The following ALG3 variants were observed in gnomAD, a reference collection of about 807,000 sequenced individuals.
ALG3 encodes the protein ALG3 alpha-1,3- mannosyltransferase, also known as dol-P-Man:Man(5)GlcNAc(2)-PP-Dol alpha-1,3-mannosyltransferase.
In ALG3, 39 loss-of-function variants were observed where a neutral mutation model predicts 50.5. The observed-to-expected ratio is 0.77, with a 90% CI of 0.60 to 1.01. ALG3 has a LOEUF of 1.01. Ranked by LOEUF, ALG3 falls within the 50% of genes least tolerant of loss-of-function variation. The pLI is 0.00. For synonymous variants in ALG3, 252 were observed against 237.2 expected (o/e 1.06, Z -0.58); for missense variants, 520 against 554.8 (o/e 0.94, Z 0.63).
chr3:184,248,752 C>G lies in ALG3; in HGVS notation c.189G>C (p.Arg63Ser). The G allele has an allele frequency of 6.4e-7, 1 of 1,571,646 alleles. No individual in the cohort carries two copies. The change falls in exon 1 of 9, where the codon AGG (arginine) becomes AGC (serine). Residue 63 changes from arginine (R) to serine (S), a missense_variant. By Grantham distance (110) the Arg-to-Ser change is moderately radical. Coordinates refer to ENST00000397676, the MANE Select transcript of ALG3 (RefSeq NM_005787.6). ...EVGITFWVIH[R>S]VAYTEIDWKA... ...CCCCCTCGGCGCACTCACATGCCACCCTGTGAATGACCCAGAAGGTGATGC... is the reference window on the plus strand; with the variant it reads ...CCCCCTCGGCGCACTCACATGCCACGCTGTGAATGACCCAGAAGGTGATGC...
chr3:184,242,378 G>A lies in ALG3; in HGVS notation c.*136C>T. On this transcript the variant is annotated 3_prime_UTR_variant, in exon 9 of 9. Transcript: ENST00000397676. The stretch of plus-strand genomic sequence containing the variant: ...GCTCCATACGTGTCCCTCACAGCCT[G>A]GACCAGGCATCGGCTGCCCCCACCT... 9.0e-7 allele frequency: 1 copy of A among 1,107,416 alleles called. No homozygotes were observed. Among genetic ancestry groups the A allele is most frequent in the Non-Finnish European group, 1.3e-6 (1 of 746,078 alleles). 68.6% of individuals were successfully genotyped at this position (1,107,416 alleles called of 1,614,324 possible). A position where few individuals can be genotyped will look rare whatever the true frequency, so the allele number is the denominator to read the frequency against.
Position 184,242,606 on chromosome 3 carries a change from G to A in ALG3, c.1225C>T (p.Leu409=), listed in dbSNP as rs1179683798. ...AGGATGACGGCATGGCATATGTGCA[G>A]GGCAGCAGAGCTGCAGGATGTGGAA... ...YPSTSCSSAA[L]HICHAVILLQ... is the part of the protein sequence containing the mutation. The change falls in exon 9 of 9, where the codon CTG becomes TTG. Residue 409 remains leucine (L), a synonymous_variant. Coordinates refer to ENST00000397676, the MANE Select transcript of ALG3 (RefSeq NM_005787.6). 6.3e-7 allele frequency: 1 copy of A among 1,591,244 alleles called. No individual in the cohort carries two copies. The highest frequency in any genetic ancestry group is 8.6e-7 in the Non-Finnish European group (1 of 1,165,466).
In ALG3 at chr3:184,248,716, T is replaced by TC. The variant is rs772159424; in HGVS notation, c.196+28dup. The TC allele has an allele frequency of 5.9e-4, 339 of 573,440 alleles. 5 individuals carry two copies. The East Asian group carries it at 0.012, about 20-fold the overall frequency. The allele number at this position is 573,440 out of a possible 1,614,324, so 35.5% of individuals were successfully genotyped here. On this transcript the variant is annotated intron_variant, in intron 1 of 8. Transcript: ENST00000397676. ...GGTCGCGGGTTCAGGTCTCCCTCCC[T>TC]CCCCTCCCCTCCCCCTCGGCGCACT...
At position 184,242,595 on chromosome 3, in the gene ALG3, G is replaced by A; in HGVS notation, c.1236C>T (p.Cys412=). Residue 412 remains cysteine, a synonymous_variant, in exon 9 of 9, where the codon TGC becomes TGT. Transcript: ENST00000397676. The stretch of plus-strand genomic sequence containing the variant: ...AGAGCTGCAGCAGGATGACGGCATG[G>A]CATATGTGCAGGGCAGCAGAGCTGC... ...TSCSSAALHI[C]HAVILLQLWL... The A allele has an allele frequency of 3.1e-6, 5 of 1,601,848 alleles. No homozygotes were observed. Among genetic ancestry groups the A allele is most frequent in the Non-Finnish European group, 4.3e-6 (5 of 1,171,920 alleles).
At chr3:184,249,125 T>G, upstream of ALG3, 2 of 1,469,564 alleles carry the variant, frequency 1.4e-6, no homozygotes, top group Admixed American at 3.9e-5. Flanking sequence ...CCACGCTCCA[T>G]AGGAGCAGGG....
chr3:184,243,447 G>T, intron 7 of ALG3, 107 bp downstream of exon 7: 1 of 962,560 alleles, frequency 1.0e-6, no homozygotes. Flanking sequence ...TCTATGATTG[G>T]GGTCCCCTTT....
chr3:184,245,895 A>C, intron 1 of ALG3, 83 bp from the exon 2 acceptor site: 1 of 1,079,012 alleles, frequency 9.3e-7, no homozygotes, highest in Non-Finnish European at 1.4e-6. Context: ...CCATCAAAAC[A>C]CAGACTTTCA....
In ALG3 at chr3:184,243,954, A is replaced by G; in HGVS notation, c.769T>C (p.Tyr257His). The G allele has an allele frequency of 6.2e-7, 1 of 1,613,688 alleles. No individual in the cohort carries two copies. The highest frequency in any genetic ancestry group is 8.5e-7 in the Non-Finnish European group (1 of 1,179,892). ...LPFLLENPSG[Y>H]LSRSFDLGRQ... ...CCAAGGTCAAAGGAGCGGGACAGGT[A>G]GCCGCTGGGGTTCTCCAGCAGGAAG... is the stretch of plus-strand genomic sequence containing the variant. Residue 257 changes from tyrosine to histidine, a missense_variant, in exon 6 of 9, where the codon TAC (tyrosine) becomes CAC (histidine). Physicochemically the swap from Tyr to His is moderately conservative, Grantham distance 83. Around this residue, in one of 3 missense-constraint regions of ALG3, gnomAD observed 224 missense variants for 272.8 expected, o/e 0.82. Transcript: ENST00000397676.
At chr3:184,244,223 A>C (rs1719004049) in intron 5 of ALG3, 1 of 573,272 alleles carries the variant, frequency 1.7e-6, no homozygotes, top group South Asian at 2.3e-5. Flanking sequence ...GTGTGGATTC[A>C]CCAAGTCATA....
rs537682020 is a variant in ALG3, at chr3:184,242,458, C to T, written c.*56G>A. On this transcript the variant is annotated 3_prime_UTR_variant, in exon 9 of 9. Coordinates refer to ENST00000397676, the MANE Select transcript of ALG3 (RefSeq NM_005787.6). Reference sequence around the variant, plus strand: ...CAAGGTTTATTTGGAAGGGCAGAGTCCAACCAACCCCAGGTCCTGAGGGTA... The same window carrying T: ...CAAGGTTTATTTGGAAGGGCAGAGTTCAACCAACCCCAGGTCCTGAGGGTA... 4.8e-5 allele frequency: 76 copies of T among 1,580,558 alleles called. No individual in the cohort carries two copies. Among genetic ancestry groups the T allele is most frequent in the Admixed American group, 9.3e-5 (5 of 53,772 alleles).
intron 7 of ALG3, 173 bp from the exon 8 acceptor site, chr3:184,243,130 T>C: frequency 3.4e-6 from 3 of 872,624 alleles, no homozygotes; most frequent in Non-Finnish European, 1.8e-6. Flanking sequence ...ATATGGAATA[T>C]GGAGAGAGTA....
chr3:184,248,150 G>A (rs774901275), intron 1 of ALG3, among the ~76,000 whole-genome samples: 2 of 151,862 alleles, frequency 1.3e-5, no homozygotes, highest in African/African-American at 4.8e-5. Context: ...CACCGCGCCC[G>A]GCAGAAATGC....
chr3:184,244,859 A>C, intron 4 of ALG3, 138 bp from the exon 5 acceptor site: 1 of 1,229,752 alleles, frequency 8.1e-7, no homozygotes, highest in Non-Finnish European at 1.1e-6. Flanking sequence ...TGGGACCTAC[A>C]CTCACAACTG....
rs139280012 is a variant in ALG3, at chr3:184,248,241, G to T, written c.196+504C>A. ...AATAAGCACTAAATAAATATTTGTTGAATTAAGAGTCTTTAGCAAGAAAGC... is the reference window on the plus strand; with the variant it reads ...AATAAGCACTAAATAAATATTTGTTTAATTAAGAGTCTTTAGCAAGAAAGC... On this transcript the variant is annotated intron_variant, in intron 1 of 8. Coordinates refer to ENST00000397676, the MANE Select transcript of ALG3 (RefSeq NM_005787.6). Among the ~76,000 whole-genome samples, 593 of 152,256 alleles carry T rather than the reference G, an allele frequency of 3.9e-3. 4 individuals are homozygous for T. Among genetic ancestry groups the T allele is most frequent in the African/African-American group, 0.014 (561 of 41,542 alleles).
rs1719036089 is a variant in ALG3 at position 184,244,741 on chromosome 3, G to C, written c.606-20C>G. The C allele has an allele frequency of 6.2e-7, 1 of 1,605,060 alleles. No individual in the cohort carries two copies. The highest frequency in any genetic ancestry group is 8.5e-7 in the Non-Finnish European group (1 of 1,176,628). ...GCCAGGCTGGGGTGAGCAGGGGAGA[G>C]GAAGGGTGGAGATCAGCTCCAGGGC... On this transcript the variant is annotated intron_variant, in intron 4 of 8. Coordinates refer to ENST00000397676, the MANE Select transcript of ALG3 (RefSeq NM_005787.6).
chr3:184,247,183 C>G (rs9865042), intron 1 of ALG3, among the ~76,000 whole-genome samples: 4,532 of 152,212 alleles, frequency 0.03, 223 homozygotes, highest in African/African-American at 0.1. Context: ...GAATTACAGG[C>G]ATAAGCCACC....
rs1719328497 is a variant in ALG3, at chr3:184,248,728, C to T, written c.196+17G>A. 3.3e-6 allele frequency: 5 copies of T among 1,531,778 alleles called. No individual in the cohort carries two copies. Among genetic ancestry groups the T allele is most frequent in the South Asian group, 1.2e-5 (1 of 82,318 alleles). The allele number at this position is 1,531,778 out of a possible 1,614,324, so 94.9% of individuals were successfully genotyped here. A position where few individuals can be genotyped will look rare whatever the true frequency, so the allele number is the denominator to read the frequency against. On this transcript the variant is annotated intron_variant, in intron 1 of 8. Transcript: ENST00000397676. ...AGGTCTCCCTCCCTCCCCTCCCCTC[C>T]CCCTCGGCGCACTCACATGCCACCC... is the stretch of plus-strand genomic sequence containing the variant.
Sources: gnomAD v4.1 joint callset for allele counts (sites outside exome capture counted in the v4.1 genomes callset) on GRCh38, gnomAD v4.1.1 for gene constraint, gnomAD v4.1.1 regional missense constraint, MANE v1.5 for transcripts, NCBI Gene and HGNC (gene_info 2026-07-23, HGNC 2026-07-21) for gene names.